ASRGL1: variants seen among roughly 807,000 people sequenced by gnomAD.
The protein encoded by ASRGL1 is isoaspartyl peptidase/L-asparaginase.
ASRGL1 carries 16 observed loss-of-function variants against 22.4 expected under a neutral mutation model. The ratio of observed to expected loss-of-function variants is 0.71; its 90% CI spans 0.48 to 1.08. The LOEUF (loss-of-function observed/expected upper bound fraction) is 1.08. Among genes scored for constraint, ASRGL1 ranks in the 50% least tolerant of loss-of-function variants. ASRGL1 has a pLI of 0.00. For missense variants in ASRGL1, 412 were observed against 410.1 expected (o/e 1.00, Z -0.04); for synonymous variants, 165 against 159.3 (o/e 1.04, Z -0.27).
chr11:62,374,883 G>A (rs892418822), intron 4 of ASRGL1, among the ~76,000 whole-genome samples: 12 of 152,064 alleles, frequency 7.9e-5, no homozygotes, highest in African/African-American at 2.2e-4. Flanking sequence ...GCTTCCATGC[G>A]ACAGCCTGAT....
chr11:62,351,438 T>G (rs1266277429), intron 2 of ASRGL1, among the ~76,000 whole-genome samples: 1 of 152,060 alleles, frequency 6.6e-6, no homozygotes, highest in African/African-American at 2.4e-5. Flanking sequence ...TCACCTGAAG[T>G]CAGGAGTTCG....
intron 4 of ASRGL1, among the ~76,000 whole-genome samples, chr11:62,373,842 T>C (rs1015417507): frequency 3.3e-5 from 5 of 152,230 alleles, no homozygotes; most frequent in Admixed American, 1.3e-4. Flanking sequence ...ATATCTACTT[T>C]AGCTGTTAAA....
chr11:62,346,432 C>G (rs1946023285), intron 2 of ASRGL1, among the ~76,000 whole-genome samples: 1 of 152,104 alleles, frequency 6.6e-6, no homozygotes, highest in African/African-American at 2.4e-5. Context: ...TCAGCCCTTA[C>G]AGGTTTTTAT....
chr11:62,341,817 A>C (rs1283966371), intron 2 of ASRGL1, among the ~76,000 whole-genome samples: 1 of 152,178 alleles, frequency 6.6e-6, no homozygotes, highest in African/African-American at 2.4e-5. Context: ...ACTCTCCCAC[A>C]TCCCTTTGAG....
chr11:62,356,293 A>G, intron 2 of ASRGL1, 32 bp from the exon 3 acceptor site: 1 of 1,610,924 alleles, frequency 6.2e-7, no homozygotes, highest in South Asian at 1.1e-5. Context: ...TAAATTCTTA[A>G]TTCTTGCTTT....
chr11:62,366,965 G>A (rs1030364552), intron 4 of ASRGL1, among the ~76,000 whole-genome samples: 1 of 152,198 alleles, frequency 6.6e-6, no homozygotes, highest in Non-Finnish European at 1.5e-5. Flanking sequence ...AGCAGCTTGG[G>A]AGGCTGAGGC....
chr11:62,341,976 T>TA (rs1187908914), intron 2 of ASRGL1, among the ~76,000 whole-genome samples: 1 of 152,234 alleles, frequency 6.6e-6, no homozygotes, highest in Non-Finnish European at 1.5e-5. Flanking sequence ...TTATTTTATT[T>TA]AGTAAGGCCG....
At chr11:62,399,043 C>A in the ASRGL1 span, among the ~76,000 whole-genome samples, 3 of 152,150 alleles carry the variant, frequency 2.0e-5, no homozygotes, top group Non-Finnish European at 4.4e-5. Flanking sequence ...TGGTGCAAAA[C>A]CCCGTGTCTA....
chr11:62,371,908 C>G (rs1946778135), intron 4 of ASRGL1: 1 of 566,890 alleles, frequency 1.8e-6, no homozygotes, highest in Non-Finnish European at 3.1e-6. Context: ...GGGCCGAGAT[C>G]GCGCCACTGC....
At chr11:62,386,485 T>TCATAG (rs1555009083) in intron 4 of ASRGL1, among the ~76,000 whole-genome samples, 5 of 141,956 alleles carry the variant, frequency 3.5e-5, no homozygotes, top group Admixed American at 2.1e-4. Context: ...TATGTACATA[T>TCATAG]ATATGTACAT....
intron 4 of ASRGL1, chr11:62,382,139 T>TA (rs1304528560): frequency 6.6e-6 from 1 of 152,040 alleles, no homozygotes; most frequent in African/African-American, 2.4e-5. Context: ...ATACAAAAAA[T>TA]TAGCCGGGCC....
intron 2 of ASRGL1, among the ~76,000 whole-genome samples, chr11:62,339,635 A>C (rs1175869925): frequency 1.3e-5 from 2 of 152,222 alleles, no homozygotes; most frequent in African/African-American, 4.8e-5. Context: ...AACTAACTCA[A>C]GTTAACTCAT....
chr11:62,391,964 G>T, intron 6 of ASRGL1, 115 bp from the exon 7 acceptor site: 1 of 1,238,214 alleles, frequency 8.1e-7, no homozygotes, highest in Non-Finnish European at 1.2e-6. Flanking sequence ...GCATTCAGGC[G>T]TTCATTTACC....
At chr11:62,357,416 A>G (rs1293466714) in intron 4 of ASRGL1, among the ~76,000 whole-genome samples, 1 of 100,392 alleles carries the variant, frequency 1.0e-5, no homozygotes, top group East Asian at 2.9e-4. Context: ...CACCCGGCTC[A>G]TTTTTTTTTT....
At chr11:62,391,675 G>A in intron 6 of ASRGL1, 43 bp downstream of exon 6, 1 of 1,549,692 alleles carries the variant, frequency 6.5e-7, no homozygotes, top group Non-Finnish European at 8.7e-7. Flanking sequence ...GTGAAGATAA[G>A]TGCATAGAAG....
At chr11:62,400,499 A>G in the ASRGL1 span, among the ~76,000 whole-genome samples, 30 of 152,298 alleles carry the variant, frequency 2.0e-4, no homozygotes, top group Admixed American at 7.8e-4. Flanking sequence ...TTTTGGACAC[A>G]TGGACCAGCA....
chr11:62,359,390 G>A (rs1946380252), intron 4 of ASRGL1, among the ~76,000 whole-genome samples: 1 of 151,872 alleles, frequency 6.6e-6, no homozygotes, highest in African/African-American at 2.4e-5. Flanking sequence ...AGGTTGCAGT[G>A]AGCCAAGATC....
chr11:62,391,105 G>T (rs997081660), intron 5 of ASRGL1, among the ~76,000 whole-genome samples: 6 of 152,198 alleles, frequency 3.9e-5, no homozygotes, highest in African/African-American at 1.4e-4. Flanking sequence ...TAGGTTGTGG[G>T]TATCATTTTC....
downstream of ASRGL1, among the ~76,000 whole-genome samples, chr11:62,394,398 T>G (rs1947406849): frequency 6.7e-6 from 1 of 148,662 alleles, no homozygotes; most frequent in South Asian, 2.1e-4. Context: ...CCTAATGACC[T>G]CATTTAACCT....
Sources: gnomAD v4.1 joint callset for allele counts (sites outside exome capture counted in the v4.1 genomes callset) on GRCh38, gnomAD v4.1.1 for gene constraint, MANE v1.5 for transcripts, NCBI Gene and HGNC (gene_info 2026-07-23, HGNC 2026-07-21) for gene names.